SOX5: variants seen among roughly 807,000 people sequenced by gnomAD.
SOX5 encodes the protein SRY-box transcription factor 5.
Under a neutral mutation model 92.0 loss-of-function variants are expected in SOX5, and 9 were observed. That is an observed-to-expected ratio of 0.10 (90% confidence interval 0.06 to 0.17). The LOEUF is 0.17. Ranked by LOEUF, SOX5 falls within the 10% of genes least tolerant of loss-of-function variation. The pLI, the probability that SOX5 is intolerant of heterozygous loss-of-function variation, is 1.00. For synonymous variants in SOX5, 344 were observed against 336.3 expected (o/e 1.02, Z -0.25); for missense variants, 642 against 944.5 (o/e 0.68, Z 4.20).
intron 12 of SOX5, among the ~76,000 whole-genome samples, chr12:23,543,878 C>T (rs1942614412): frequency 6.6e-6 from 1 of 152,182 alleles, no homozygotes; most frequent in Non-Finnish European, 1.5e-5. Context: ...AAAATAAAAA[C>T]ACTGACCAAA....
chr12:23,586,562 T>C (rs2137019515), intron 9 of SOX5, among the ~76,000 whole-genome samples: 1 of 152,246 alleles, frequency 6.6e-6, no homozygotes, highest in East Asian at 1.9e-4. Context: ...ATTCTTGGAT[T>C]TGAATTCTGG....
chr12:24,099,142 T>TA (rs1201018467), intron 4 of SOX5, among the ~76,000 whole-genome samples: 3 of 152,178 alleles, frequency 2.0e-5, no homozygotes, highest in Admixed American at 1.3e-4. Context: ...ATGTGCAGTC[T>TA]AAGTTCAATC....
intron 7 of SOX5, among the ~76,000 whole-genome samples, chr12:23,655,427 T>C (rs570633085): frequency 7.7e-4 from 118 of 152,258 alleles, no homozygotes; most frequent in Non-Finnish European, 1.3e-3. Context: ...TATGAAGAAA[T>C]GAATGGTCCC....
rs192157510 is a variant in SOX5, at chr12:23,740,590, T to A, written c.741+277A>T. Among the ~76,000 whole-genome samples, 19 of 152,256 alleles carry A rather than the reference T, an allele frequency of 1.2e-4. No individual in the cohort carries two copies. The East Asian group carries it at 3.1e-3, about 25-fold the overall frequency. On this transcript the variant is annotated intron_variant, in intron 5 of 14. Coordinates refer to ENST00000451604, the MANE Select transcript of SOX5 (RefSeq NM_006940.6). ...AAAATGTTCTCTTGACTCTCCATGG[T>A]TCTTTTTTGGTATTTTTCTCATGAT...
intron 1 of SOX5, among the ~76,000 whole-genome samples, chr12:24,462,958 C>T (rs577061072): frequency 2.6e-4 from 39 of 152,268 alleles, no homozygotes; most frequent in African/African-American, 8.9e-4. Flanking sequence ...TGGCTCCTGC[C>T]GGTAATCCTA....
At chr12:23,704,699 T>G (rs1567099962) in intron 6 of SOX5, among the ~76,000 whole-genome samples, 4 of 109,866 alleles carry the variant, frequency 3.6e-5, no homozygotes, top group Non-Finnish European at 7.9e-5. Context: ...TATATATATA[T>G]ATATATATAT....
Position 24,378,255 on chromosome 12 carries a change from G to A in SOX5, c.-250-9616C>T, listed in dbSNP as rs575746310. Among the ~76,000 whole-genome samples the A allele has an allele frequency of 1.2e-4, 18 of 151,880 alleles. 1 individual carries two copies. Among genetic ancestry groups the A allele is most frequent in the Admixed American group, 7.9e-4 (12 of 15,232 alleles). On this transcript the variant is annotated intron_variant, in intron 1 of 4. Coordinates refer to the SOX5 transcript ENST00000446891. ...TTTCTCAAATTTCATTAATAACCGG[G>A]GTCTAAAAGGAGATTCCATATATTA...
intron 3 of SOX5, among the ~76,000 whole-genome samples, chr12:23,770,503 CA>C (rs1245312187): frequency 2.0e-5 from 3 of 151,282 alleles, no homozygotes; most frequent in Admixed American, 6.6e-5. Context: ...GAGAGAGCGA[CA>C]AAAAAATTAT....
chr12:23,852,288 CTT>C (rs1298188102), intron 2 of SOX5, among the ~76,000 whole-genome samples: 1 of 152,028 alleles, frequency 6.6e-6, no homozygotes, highest in African/African-American at 2.4e-5. Context: ...TAATTTGTGT[CTT>C]TAAGGCAGAC....
Position 23,532,329 on chromosome 12 carries a change from A to C in SOX5, c.*1890T>G, listed in dbSNP as rs559726195. 2 of 152,268 alleles carry C rather than the reference A, an allele frequency of 1.3e-5. No individual in the cohort carries two copies. Among genetic ancestry groups the C allele is most frequent in the South Asian group, 4.1e-4 (2 of 4,826 alleles). The allele number at this position is 152,268 out of a possible 1,614,324, so 9.4% of individuals were successfully genotyped here. On this transcript the variant is annotated 3_prime_UTR_variant, in exon 15 of 15. Coordinates refer to ENST00000451604, the MANE Select transcript of SOX5 (RefSeq NM_006940.6). ...GATTCTTTTTTTATTTATATGTAAA[A>C]ATCCAACTTTAGGGTGGTGTTTCGG...
intron 4 of SOX5, among the ~76,000 whole-genome samples, chr12:24,044,968 G>A (rs566736454): frequency 6.6e-6 from 1 of 152,326 alleles, no homozygotes; most frequent in South Asian, 2.1e-4. Flanking sequence ...TTTTGGATCT[G>A]AGGTGAACAT....
intron 4 of SOX5, among the ~76,000 whole-genome samples, chr12:24,075,277 TA>T (rs59967372): frequency 0.18 from 13,778 of 75,214 alleles, 1,062 homozygotes; most frequent in Middle Eastern, 0.25. Flanking sequence ...CTCAAATTAT[TA>T]AAAAAAAAAA....
intron 3 of SOX5, among the ~76,000 whole-genome samples, chr12:24,229,431 C>A (rs1292101834): frequency 6.6e-6 from 1 of 151,836 alleles, no homozygotes; most frequent in Non-Finnish European, 1.5e-5. Context: ...AAAAAATAAA[C>A]AAGGCATTCC....
At chr12:24,085,432 G>C (rs1269031789) in intron 4 of SOX5, among the ~76,000 whole-genome samples, 1 of 152,014 alleles carries the variant, frequency 6.6e-6, no homozygotes, top group African/African-American at 2.4e-5. Flanking sequence ...GCTAGTCAGG[G>C]GAAACATCAA....
intron 4 of SOX5, among the ~76,000 whole-genome samples, chr12:23,964,670 G>A (rs960631884): frequency 3.3e-5 from 5 of 152,002 alleles, no homozygotes; most frequent in South Asian, 2.1e-4. Context: ...TAATATATGA[G>A]GTATTAATAA....
At chr12:23,790,159 A>G (rs2095445700) in intron 3 of SOX5, among the ~76,000 whole-genome samples, 1 of 152,148 alleles carries the variant, frequency 6.6e-6, no homozygotes, top group African/African-American at 2.4e-5. Context: ...TGAAAAACAA[A>G]TGTATGAAAT....
intron 4 of SOX5, among the ~76,000 whole-genome samples, chr12:24,075,477 A>G (rs1265395308): frequency 1.3e-5 from 2 of 152,116 alleles, no homozygotes; most frequent in Non-Finnish European, 2.9e-5. Context: ...GGACCGTAGG[A>G]AAAATGTAAA....
intron 1 of SOX5, among the ~76,000 whole-genome samples, chr12:24,469,609 T>C (rs1397334142): frequency 6.6e-6 from 1 of 152,198 alleles, no homozygotes; most frequent in Admixed American, 6.5e-5. Flanking sequence ...CTCATTATGA[T>C]AACGTTAAAA....
intron 1 of SOX5, among the ~76,000 whole-genome samples, chr12:24,508,020 G>A (rs542836007): frequency 5.9e-5 from 9 of 152,174 alleles, no homozygotes; most frequent in East Asian, 1.9e-4. Context: ...TGATGTCATC[G>A]GAGTGCAGCC....
Sources: allele counts gnomAD v4.1 joint callset (sites outside exome capture counted in the v4.1 genomes callset), GRCh38; gene constraint gnomAD v4.1.1; transcripts MANE v1.5; gene names NCBI Gene and HGNC (gene_info 2026-07-23, HGNC 2026-07-21).